Variants in PRTG observed in about 807,000 individuals in gnomAD.
The protein encoded by PRTG is protogenin.
In PRTG, 67 loss-of-function variants were observed where a neutral mutation model predicts 122.5. The ratio of observed to expected loss-of-function variants is 0.55; its 90% CI spans 0.45 to 0.67. The LOEUF (loss-of-function observed/expected upper bound fraction) is 0.67, where lower values mean the gene tolerates loss of function less well. Ranked by LOEUF, PRTG falls within the 30% of genes least tolerant of loss-of-function variation. PRTG has a pLI of 0.00. For synonymous variants in PRTG, 554 were observed against 501.1 expected, an observed-to-expected ratio of 1.11 and a Z score of -1.41; for missense variants, 1,435 against 1,415.4, an observed-to-expected ratio of 1.01 and a Z score of -0.22.
At chr15:55,678,106 T>C in intron 7 of PRTG, 62 bp from the exon 8 acceptor site, 3 of 1,035,928 alleles carry the variant, frequency 2.9e-6, no homozygotes, top group Non-Finnish European at 4.2e-6. Context: ...AAATAAAGTT[T>C]AGCTATTGCT....
intron 11 of PRTG, among the ~76,000 whole-genome samples, chr15:55,643,078 TAAAC>T (rs1350878576): frequency 6.6e-6 from 1 of 151,512 alleles, no homozygotes; most frequent in South Asian, 2.1e-4. Flanking sequence ...ATCTCTCAAA[TAAAC>T]TAACTAAATA....
intron 2 of PRTG, 105 bp downstream of exon 2, chr15:55,740,277 A>G (rs554873143): frequency 9.3e-7 from 1 of 1,078,196 alleles, no homozygotes; most frequent in Non-Finnish European, 1.3e-6. Context: ...CTCCAGTAAA[A>G]TTCTTAATGC....
At chr15:55,639,564 A>T in intron 13 of PRTG, 78 bp downstream of exon 13, 1 of 1,319,518 alleles carries the variant, frequency 7.6e-7, no homozygotes, top group East Asian at 2.3e-5. Context: ...GCTGGGCCCA[A>T]GATGGTAAGA....
At chr15:55,623,949 C>CT (rs1474759297) in intron 18 of PRTG, among the ~76,000 whole-genome samples, 1 of 152,074 alleles carries the variant, frequency 6.6e-6, no homozygotes, top group Non-Finnish European at 1.5e-5. Flanking sequence ...ATCAGCCAAA[C>CT]TAAGTCAAAT....
intron 11 of PRTG, among the ~76,000 whole-genome samples, chr15:55,653,040 GATTGTTA>G (rs1489942152): frequency 6.6e-6 from 1 of 152,128 alleles, no homozygotes; most frequent in Non-Finnish European, 1.5e-5. Flanking sequence ...TTCTAAAAGG[GATTGTTA>G]ATCAGAAACA....
At chr15:55,644,757 A>G (rs1008827475) in intron 11 of PRTG, among the ~76,000 whole-genome samples, 1 of 152,108 alleles carries the variant, frequency 6.6e-6, no homozygotes, top group South Asian at 2.1e-4. Flanking sequence ...CTTTCTATCC[A>G]AATAGAAAAG....
Position 55,611,881 on chromosome 15 carries a change from A to C in PRTG, c.*8131T>G, listed in dbSNP as rs2059121873. On this transcript the variant is annotated 3_prime_UTR_variant, in exon 20 of 20. Coordinates refer to ENST00000389286, the MANE Select transcript of PRTG (RefSeq NM_173814.6). ...TATAAAATTAATATAGCTCAGCTCT[A>C]CAGTCCATTAGCAAGTCTACAAATG... 1 of 152,146 alleles carries C rather than the reference A, an allele frequency of 6.6e-6. No individual in the cohort carries two copies. Among genetic ancestry groups the C allele is most frequent in the Admixed American group, 6.5e-5 (1 of 15,272 alleles). The allele number at this position is 152,146 out of a possible 1,614,324, so 9.4% of individuals were successfully genotyped here.
In PRTG at chr15:55,680,089, T is replaced by A; in HGVS notation, c.938A>T (p.Asn313Ile). 6.2e-7 allele frequency: 1 copy of A among 1,613,840 alleles called. No individual in the cohort carries two copies. Among genetic ancestry groups the A allele is most frequent in the South Asian group, 1.1e-5 (1 of 91,054 alleles). Residue 313 changes from asparagine to isoleucine, a missense_variant, in exon 6 of 20, where the codon AAC (asparagine) becomes ATC (isoleucine). Coordinates refer to ENST00000389286, the MANE Select transcript of PRTG (RefSeq NM_173814.6). ...TAAAGTTGCCATAGCAACTGTAAAG[T>A]TGCGTGTGCCAGGGGTAGTGGCCCG... is the stretch of plus-strand genomic sequence containing the variant. Reference protein sequence around the residue: ...VCRATTPGTRNFTVAMATLTV... With the variant: ...VCRATTPGTRIFTVAMATLTV...
rs1450386213 is a variant in PRTG, at chr15:55,615,434, C to T, written c.*4578G>A. ...AAAGGGAAATTGAGAAGATTAAAGCCTGAAACATACACATTGCATTAGCCT... is the reference window on the plus strand; with the variant it reads ...AAAGGGAAATTGAGAAGATTAAAGCTTGAAACATACACATTGCATTAGCCT... On this transcript the variant is annotated 3_prime_UTR_variant, in exon 20 of 20. Transcript: ENST00000389286. 3.3e-5 allele frequency: 5 copies of T among 152,054 alleles called. No individual in the cohort carries two copies. Among genetic ancestry groups the T allele is most frequent in the African/African-American group, 1.2e-4 (5 of 41,418 alleles). The allele number at this position is 152,054 out of a possible 1,614,324, so 9.4% of individuals were successfully genotyped here. A position where few individuals can be genotyped will look rare whatever the true frequency, so the allele number is the denominator to read the frequency against.
chr15:55,737,988 C>T (rs1264732128), intron 2 of PRTG, among the ~76,000 whole-genome samples: 1 of 60,874 alleles, frequency 1.6e-5, no homozygotes, highest in African/African-American at 5.2e-5. Flanking sequence ...CTCTCTCTCT[C>T]TCTCTCTCTC....
intron 11 of PRTG, chr15:55,656,236 A>G: frequency 4.7e-6 from 2 of 423,550 alleles, no homozygotes; most frequent in Non-Finnish European, 9.3e-6. Context: ...TCGTGTCTCC[A>G]TCTAGAACTG....
chr15:55,726,013 G>T (rs769632584), intron 2 of PRTG, among the ~76,000 whole-genome samples: 7 of 151,718 alleles, frequency 4.6e-5, no homozygotes, highest in Admixed American at 4.6e-4. Flanking sequence ...GCGTGATCTC[G>T]GCTCACTGCA....
At chr15:55,639,896 T>C (rs1440287041) in intron 12 of PRTG, 68 bp from the exon 13 acceptor site, 2 of 1,568,926 alleles carry the variant, frequency 1.3e-6, no homozygotes, top group Non-Finnish European at 1.7e-6. Flanking sequence ...GGTAAAATGG[T>C]AAAATAATAA....
At chr15:55,648,270 T>C (rs1452344613) in intron 11 of PRTG, among the ~76,000 whole-genome samples, 1 of 152,184 alleles carries the variant, frequency 6.6e-6, no homozygotes, top group Non-Finnish European at 1.5e-5. Flanking sequence ...ATTTTTACAA[T>C]GAGGTGTTTC....
chr15:55,685,044 C>T (rs2059562587), intron 2 of PRTG, among the ~76,000 whole-genome samples: 1 of 152,150 alleles, frequency 6.6e-6, no homozygotes, highest in Admixed American at 6.5e-5. Flanking sequence ...CTTCCTTCTA[C>T]TAAGTCTTCC....
At chr15:55,716,608 T>C (rs1337270897) in intron 2 of PRTG, among the ~76,000 whole-genome samples, 1 of 152,198 alleles carries the variant, frequency 6.6e-6, no homozygotes, top group Non-Finnish European at 1.5e-5. Context: ...TTTTCCTTTA[T>C]TTTCCCCCTA....
At chr15:55,738,008 A>T (rs796110965) in intron 2 of PRTG, among the ~76,000 whole-genome samples, 2 of 94,196 alleles carry the variant, frequency 2.1e-5, no homozygotes, top group South Asian at 3.2e-4. Context: ...CTCTCTATAT[A>T]TATATATATA....
At chr15:55,646,396 C>A (rs983732273) in intron 11 of PRTG, among the ~76,000 whole-genome samples, 4 of 151,486 alleles carry the variant, frequency 2.6e-5, no homozygotes, top group South Asian at 2.1e-4. Context: ...GATCTCAGCT[C>A]ACTGCAAGCT....
chr15:55,725,769 A>C (rs1216178313), intron 2 of PRTG, among the ~76,000 whole-genome samples: 1 of 152,066 alleles, frequency 6.6e-6, no homozygotes, highest in Non-Finnish European at 1.5e-5. Flanking sequence ...TCTACAAGAG[A>C]CTAACTTTAT....
Sources: gnomAD v4.1 joint callset for allele counts (sites outside exome capture counted in the v4.1 genomes callset) on GRCh38, gnomAD v4.1.1 for gene constraint, MANE v1.5 for transcripts, NCBI Gene and HGNC (gene_info 2026-07-23, HGNC 2026-07-21) for gene names.